The following KLF13 variants were observed in gnomAD, a reference collection of about 807,000 sequenced individuals.
KLF13 encodes the protein Krueppel-like factor 13.
Under a neutral mutation model 16.7 loss-of-function variants are expected in KLF13, and 8 were observed. The observed-to-expected ratio is 0.48, with a 90% CI of 0.28 to 0.87. The LOEUF (loss-of-function observed/expected upper bound fraction) is 0.87, where lower values mean the gene tolerates loss of function less well. Among genes scored for constraint, KLF13 ranks in the 40% least tolerant of loss-of-function variants. The pLI is 0.10. For synonymous variants in KLF13, 245 were observed against 208.4 expected, an observed-to-expected ratio of 1.18 and a Z score of -1.51; for missense variants, 447 against 452.2, an observed-to-expected ratio of 0.99 and a Z score of 0.10.
At chr15:31,421,987 C>T (rs771331340) in intron 1 of KLF13, among the ~76,000 whole-genome samples, 33 of 151,890 alleles carry the variant, frequency 2.2e-4, no homozygotes, top group Admixed American at 5.9e-4. Context: ...TGGTGGCGTG[C>T]ACCTGTAATC....
chr15:31,340,565 T>A (rs1203088032), intron 1 of KLF13, among the ~76,000 whole-genome samples: 1 of 152,220 alleles, frequency 6.6e-6, no homozygotes, highest in East Asian at 1.9e-4. Context: ...AGAATTTGAT[T>A]TTTTTTCCTG....
downstream of KLF13, chr15:31,377,967 T>G (rs906233314): frequency 1.3e-5 from 2 of 152,130 alleles, no homozygotes; most frequent in Admixed American, 1.3e-4. Context: ...GGAACTGAAA[T>G]GCACAAACTC....
chr15:31,375,249 T>G lies in KLF13; in HGVS notation c.*2950T>G, dbSNP rs1372905432. On this transcript the variant is annotated 3_prime_UTR_variant, in exon 2 of 2. Coordinates refer to ENST00000307145, the MANE Select transcript of KLF13 (RefSeq NM_015995.4). ...TCAAGGGCAGGTTTCCATTTCATCATGAAGTGAGGGACTCCTGTGGAAGAG... is the reference window on the plus strand; with the variant it reads ...TCAAGGGCAGGTTTCCATTTCATCAGGAAGTGAGGGACTCCTGTGGAAGAG... 1 of 152,252 alleles carries G rather than the reference T, an allele frequency of 6.6e-6. No individual in the cohort carries two copies. The highest frequency in any genetic ancestry group is 2.4e-5 in the African/African-American group (1 of 41,446). 9.4% of individuals were successfully genotyped at this position (152,252 alleles called of 1,614,324 possible). A position where few individuals can be genotyped will look rare whatever the true frequency, so the allele number is the denominator to read the frequency against.
intron 1 of KLF13, among the ~76,000 whole-genome samples, chr15:31,347,493 G>A (rs913174379): frequency 6.6e-6 from 1 of 152,162 alleles, no homozygotes; most frequent in South Asian, 2.1e-4. Flanking sequence ...CTGGGGAGGG[G>A]CCCCACCTTG....
chr15:31,419,874 C>G (rs1346888380), intron 1 of KLF13, among the ~76,000 whole-genome samples: 1 of 152,060 alleles, frequency 6.6e-6, no homozygotes, highest in Non-Finnish European at 1.5e-5. Flanking sequence ...ATATTGTAAT[C>G]AAACTATCAA....
intron 1 of KLF13, among the ~76,000 whole-genome samples, chr15:31,412,570 AT>A (rs1322072804): frequency 3.9e-5 from 6 of 152,378 alleles, no homozygotes; most frequent in Middle Eastern, 3.4e-3. Context: ...GCTACTAGTC[AT>A]GCACAACTGC....
intron 1 of KLF13, among the ~76,000 whole-genome samples, chr15:31,368,839 GA>G (rs1566821305): frequency 3.3e-4 from 51 of 152,244 alleles, no homozygotes; most frequent in African/African-American, 1.2e-3. Context: ...TAGATAGATA[GA>G]TAGATAGGTA....
In KLF13 at chr15:31,372,087, C is replaced by T; in HGVS notation, c.655C>T (p.Arg219Cys). 6.2e-7 allele frequency: 1 copy of T among 1,612,914 alleles called. No homozygotes were observed. The highest frequency in any genetic ancestry group is 8.5e-7 in the Non-Finnish European group (1 of 1,179,950). The change falls in exon 2 of 2, where the codon CGC becomes TGC. Residue 219 changes from arginine to cysteine, a missense_variant. By Grantham distance (180) the Arg-to-Cys change is radical (BLOSUM62 -3). Coordinates refer to ENST00000307145, the MANE Select transcript of KLF13 (RefSeq NM_015995.4). ...ARSDELARHY[R>C]THTGEKKFSC... Reference sequence around the variant, plus strand: ...CTCCGACGAGCTGGCGCGGCACTACCGCACACACACGGGCGAGAAGAAGTT... The same window carrying T: ...CTCCGACGAGCTGGCGCGGCACTACTGCACACACACGGGCGAGAAGAAGTT...
At chr15:31,329,299 G>A (rs2038784288) in intron 1 of KLF13, among the ~76,000 whole-genome samples, 3 of 148,186 alleles carry the variant, frequency 2.0e-5, no homozygotes, top group Admixed American at 1.3e-4. Context: ...GCTAGGCTCA[G>A]CTCGGCTCCA....
upstream of KLF13, among the ~76,000 whole-genome samples, chr15:31,392,505 T>C (rs980487557): frequency 1.3e-5 from 2 of 152,070 alleles, no homozygotes; most frequent in Admixed American, 6.5e-5. Flanking sequence ...TCCCCTGCGC[T>C]CCTCAGGACC....
intron 1 of KLF13, among the ~76,000 whole-genome samples, chr15:31,330,248 G>A (rs2038802929): frequency 6.6e-6 from 1 of 152,224 alleles, no homozygotes; most frequent in African/African-American, 2.4e-5. Flanking sequence ...GGTGTCCGTG[G>A]TTTGTGGGCC....
rs1159662346 is a variant in KLF13 at position 31,327,101 on chromosome 15, A to G, written c.-112A>G. Reference sequence around the variant, plus strand: ...GCCCAGCCCAGCCCAGCCCAGCCCGAGGAGAGGGCGCGCCGCGCCCCCGCC... The same window carrying G: ...GCCCAGCCCAGCCCAGCCCAGCCCGGGGAGAGGGCGCGCCGCGCCCCCGCC... On this transcript the variant is annotated 5_prime_UTR_variant, in exon 1 of 2. Transcript: ENST00000307145. 20 of 539,566 alleles carry G rather than the reference A, an allele frequency of 3.7e-5. No homozygotes were observed. The highest frequency in any genetic ancestry group is 8.2e-5 in the East Asian group (1 of 12,184). 33.4% of individuals were successfully genotyped at this position (539,566 alleles called of 1,614,324 possible). A position where few individuals can be genotyped will look rare whatever the true frequency, so the allele number is the denominator to read the frequency against.
chr15:31,392,223 C>G (rs1254357485), upstream of KLF13, among the ~76,000 whole-genome samples: 3 of 152,256 alleles, frequency 2.0e-5, no homozygotes, highest in Non-Finnish European at 4.4e-5. Flanking sequence ...AAGGATGATG[C>G]TGTGGTCCGG....
intron 1 of KLF13, among the ~76,000 whole-genome samples, chr15:31,357,561 C>G (rs1338326788): frequency 6.6e-6 from 1 of 152,220 alleles, no homozygotes; most frequent in Non-Finnish European, 1.5e-5. Flanking sequence ...CTGCTGCACA[C>G]TGGGAGAGAA....
intron 1 of KLF13, among the ~76,000 whole-genome samples, chr15:31,360,953 T>A (rs531833566): frequency 6.6e-6 from 1 of 152,178 alleles, no homozygotes; most frequent in East Asian, 1.9e-4. Flanking sequence ...CCGAGGCTCC[T>A]CCAGGGCTTC....
At chr15:31,394,027 G>C (rs1304296031) in intron 2 of KLF13, among the ~76,000 whole-genome samples, 1 of 152,134 alleles carries the variant, frequency 6.6e-6, no homozygotes, top group Non-Finnish European at 1.5e-5. Context: ...GTTGTTCCTG[G>C]GGGCGCGGTC....
intron 1 of KLF13, among the ~76,000 whole-genome samples, chr15:31,423,164 T>TATACGTATACGTATATATACATATATAC (rs371896440): frequency 7.9e-5 from 2 of 25,356 alleles, no homozygotes; most frequent in African/African-American, 3.6e-4. Flanking sequence ...CGTATATATA[T>TATACGTATACGTATATATACATATATAC]GTATATATAT....
chr15:31,345,848 C>A (rs562821188), intron 1 of KLF13, among the ~76,000 whole-genome samples: 1 of 152,276 alleles, frequency 6.6e-6, no homozygotes, highest in African/African-American at 2.4e-5. Flanking sequence ...CGTCAGTTTA[C>A]CGGGGGCAAA....
intron 1 of KLF13, among the ~76,000 whole-genome samples, chr15:31,434,107 G>T (rs976559299): frequency 6.6e-6 from 1 of 152,180 alleles, no homozygotes; most frequent in Non-Finnish European, 1.5e-5. Flanking sequence ...TGCCACTGGT[G>T]GTACAATGCT....
Sources: allele counts gnomAD v4.1 joint callset (sites outside exome capture counted in the v4.1 genomes callset), GRCh38; gene constraint gnomAD v4.1.1; transcripts MANE v1.5; gene names NCBI Gene and HGNC (gene_info 2026-07-23, HGNC 2026-07-21).